GNB1: variants seen among roughly 807,000 people sequenced by gnomAD.
GNB1 encodes guanine nucleotide-binding protein G(I)/G(S)/G(T) subunit beta-1.
Under a neutral mutation model 42.9 loss-of-function variants are expected in GNB1, and 2 were observed. The observed-to-expected ratio is 0.05, with a 90% CI of 0.02 to 0.15. The LOEUF (loss-of-function observed/expected upper bound fraction) is 0.15. Among genes scored for constraint, GNB1 ranks in the 10% least tolerant of loss-of-function variants. GNB1 has a pLI of 1.00. For synonymous variants in GNB1, 183 were observed against 174.7 expected, an observed-to-expected ratio of 1.05 and a Z score of -0.38; for missense variants, 193 against 462.2, an observed-to-expected ratio of 0.42 and a Z score of 5.34.
chr1:1,881,819 A>C (rs1250612143), intron 1 of GNB1, among the ~76,000 whole-genome samples: 2 of 152,186 alleles, frequency 1.3e-5, no homozygotes, highest in Non-Finnish European at 2.9e-5. Flanking sequence ...TTGATAAATA[A>C]TTACTGAGCA....
chr1:1,824,830 T>C lies in GNB1; in HGVS notation c.57+567A>G, dbSNP rs1449336451. Among the ~76,000 whole-genome samples the C allele has an allele frequency of 2.0e-5, 3 of 152,118 alleles. No homozygotes were observed. The South Asian group carries it at 6.2e-4, about 32-fold the overall frequency. On this transcript the variant is annotated intron_variant, in intron 3 of 11. Transcript: ENST00000378609. ...CTCAGGTGATCCACCCGCCTTGGCC[T>C]CCCAAACTGCTGGGATTCCAGGCAT...
chr1:1,867,185 T>C (rs1329103501), intron 1 of GNB1, among the ~76,000 whole-genome samples: 1 of 152,126 alleles, frequency 6.6e-6, no homozygotes, highest in Non-Finnish European at 1.5e-5. Context: ...AAGAATTGCT[T>C]GAACCTGGGA....
chr1:1,796,516 A>T (rs569083858), intron 7 of GNB1, among the ~76,000 whole-genome samples: 1 of 152,254 alleles, frequency 6.6e-6, no homozygotes, highest in African/African-American at 2.4e-5. Context: ...GTCTGTGCAC[A>T]TAAGAAGTTC....
intron 2 of GNB1, among the ~76,000 whole-genome samples, chr1:1,837,221 C>A (rs10752417): frequency 6.6e-6 from 1 of 151,568 alleles, no homozygotes; most frequent in African/African-American, 2.4e-5. Context: ...TCTAATTTTA[C>A]GTTTTATATT....
intron 4 of GNB1, among the ~76,000 whole-genome samples, chr1:1,816,445 A>G (rs1486578531): frequency 1.3e-5 from 2 of 152,160 alleles, no homozygotes; most frequent in African/African-American, 4.8e-5. Flanking sequence ...CGGACAGTCC[A>G]AAGTGCTTCT....
intron 2 of GNB1, among the ~76,000 whole-genome samples, chr1:1,827,389 T>A (rs375794871): frequency 6.6e-6 from 1 of 152,208 alleles, no homozygotes; most frequent in African/African-American, 2.4e-5. Context: ...AATAGTTGTT[T>A]CTAAAGGCAT....
At chr1:1,881,006 GGA>G (rs142445070) in intron 1 of GNB1, among the ~76,000 whole-genome samples, 35,566 of 151,910 alleles carry the variant, frequency 0.23, 4,363 homozygotes, top group Non-Finnish European at 0.26. Context: ...ATGCCTGAAC[GGA>G]GAGAGGGAGT....
Position 1,798,827 on chromosome 1 carries a change from G to A in GNB1, c.431-5516C>T, listed in dbSNP as rs369717850. ...AGTGATTCTCCTGCCTCAGGATCCC[G>A]AGTAGCTGGGACTACAAGTGCATGC... On this transcript the variant is annotated intron_variant, in intron 7 of 11. Transcript: ENST00000378609. Among the ~76,000 whole-genome samples, 24 of 152,214 alleles carry A rather than the reference G, an allele frequency of 1.6e-4. No individual in the cohort carries two copies. The East Asian group carries it at 3.9e-3, about 24-fold the overall frequency.
At chr1:1,830,527 G>A (rs1199423703) in intron 2 of GNB1, among the ~76,000 whole-genome samples, 1 of 152,042 alleles carries the variant, frequency 6.6e-6, no homozygotes, top group African/African-American at 2.4e-5. Flanking sequence ...GGGATTACAA[G>A]AGTGAGCCAC....
At chr1:1,792,116 C>G (rs1034993293) in intron 8 of GNB1, among the ~76,000 whole-genome samples, 7 of 152,082 alleles carry the variant, frequency 4.6e-5, no homozygotes, top group Non-Finnish European at 1.0e-4. Context: ...AAATAACTAT[C>G]TGGACATTTA....
At chr1:1,881,971 G>C (rs1332219056) in intron 1 of GNB1, among the ~76,000 whole-genome samples, 1 of 152,072 alleles carries the variant, frequency 6.6e-6, no homozygotes, top group Non-Finnish European at 1.5e-5. Flanking sequence ...CTCCAATTCA[G>C]GTCTCAAAGC....
intron 1 of GNB1, among the ~76,000 whole-genome samples, chr1:1,885,108 C>T (rs561329576): frequency 6.6e-6 from 1 of 151,804 alleles, no homozygotes; most frequent in East Asian, 1.9e-4. Flanking sequence ...AAAATAGGTT[C>T]AACAGAATAA....
intron 2 of GNB1, among the ~76,000 whole-genome samples, chr1:1,837,490 G>A (rs919955234): frequency 4.0e-5 from 6 of 150,742 alleles, no homozygotes; most frequent in South Asian, 4.2e-4. Flanking sequence ...TCTTGACCTC[G>A]TGATCCACCC....
chr1:1,876,055 C>T (rs1649529112), intron 1 of GNB1, among the ~76,000 whole-genome samples: 1 of 152,104 alleles, frequency 6.6e-6, no homozygotes, highest in African/African-American at 2.4e-5. Flanking sequence ...ACTGCTGGCA[C>T]CCACCAGAAG....
intron 8 of GNB1, among the ~76,000 whole-genome samples, chr1:1,792,396 G>A (rs995724696): frequency 3.3e-5 from 5 of 152,056 alleles, no homozygotes; most frequent in Non-Finnish European, 7.4e-5. Context: ...GAGCCTGATT[G>A]TAGTTAAAAT....
intron 1 of GNB1, among the ~76,000 whole-genome samples, chr1:1,844,914 G>A (rs1289738464): frequency 6.6e-6 from 1 of 152,172 alleles, no homozygotes; most frequent in Non-Finnish European, 1.5e-5. Context: ...TTTGCCTAAA[G>A]GCCTGGGGGC....
At chr1:1,816,944 G>A (rs1646865582) in intron 4 of GNB1, among the ~76,000 whole-genome samples, 1 of 152,056 alleles carries the variant, frequency 6.6e-6, no homozygotes, top group Non-Finnish European at 1.5e-5. Context: ...TTAATAAGGT[G>A]AAGTTCACGT....
intron 1 of GNB1, among the ~76,000 whole-genome samples, chr1:1,888,051 A>T (rs1650252057): frequency 6.6e-6 from 1 of 152,382 alleles, no homozygotes; most frequent in South Asian, 2.1e-4. Context: ...TTAACTGAAG[A>T]TATCAAAGAA....
intron 1 of GNB1, among the ~76,000 whole-genome samples, chr1:1,860,046 T>TA (rs1343960737): frequency 6.6e-6 from 1 of 151,730 alleles, no homozygotes. Flanking sequence ...CCCTAGAACT[T>TA]AAAGTATAAT....
Sources: gnomAD v4.1 joint callset for allele counts (sites outside exome capture counted in the v4.1 genomes callset) on GRCh38, gnomAD v4.1.1 for gene constraint, MANE v1.5 for transcripts, NCBI Gene and HGNC (gene_info 2026-07-23, HGNC 2026-07-21) for gene names.